The following GABRG3 variants were observed in gnomAD, a reference collection of about 807,000 sequenced individuals.
GABRG3 encodes the protein gamma-aminobutyric acid type A receptor subunit gamma3.
GABRG3 carries 25 observed loss-of-function variants against 48.8 expected under a neutral mutation model. That is an observed-to-expected ratio of 0.51 (90% confidence interval 0.37 to 0.72). GABRG3 has a LOEUF of 0.72. Among genes scored for constraint, GABRG3 ranks in the 30% least tolerant of loss-of-function variants. The probability of loss-of-function intolerance (pLI) is 0.00; values close to 1 mark genes in which losing one functional copy is unlikely to be tolerated. For synonymous variants in GABRG3, 227 were observed against 217.6 expected (o/e 1.04, Z -0.38); for missense variants, 394 against 577.9 (o/e 0.68, Z 3.26).
intron 3 of GABRG3, among the ~76,000 whole-genome samples, chr15:27,140,257 T>A (rs1898079889): frequency 6.6e-6 from 1 of 152,164 alleles, no homozygotes; most frequent in South Asian, 2.1e-4. Context: ...TCTTGGAGAC[T>A]GAGCCCTCAA....
At chr15:27,321,346 A>G (rs1893419577) in intron 3 of GABRG3, among the ~76,000 whole-genome samples, 1 of 152,354 alleles carries the variant, frequency 6.6e-6, no homozygotes, top group Non-Finnish European at 1.5e-5. Context: ...CCAGGCGGCC[A>G]GACCTTGGGA....
intron 3 of GABRG3, among the ~76,000 whole-genome samples, chr15:27,308,599 CAT>C (rs554656482): frequency 5.3e-4 from 75 of 142,140 alleles, no homozygotes; most frequent in African/African-American, 1.5e-3. Flanking sequence ...TATATATAAA[CAT>C]AATGTAAACA....
chr15:27,350,138 G>A (rs1264619965), intron 5 of GABRG3: 2 of 455,686 alleles, frequency 4.4e-6, no homozygotes, highest in Non-Finnish European at 8.8e-6. Flanking sequence ...CACCATCTTG[G>A]CCTTCAGATT....
chr15:27,097,467 C>A (rs571653158), intron 3 of GABRG3, among the ~76,000 whole-genome samples: 1 of 151,968 alleles, frequency 6.6e-6, no homozygotes, highest in Non-Finnish European at 1.5e-5. Context: ...CTCTCCTTCC[C>A]TCCTTCCCTC....
chr15:27,276,612 G>A (rs143112750), intron 3 of GABRG3, among the ~76,000 whole-genome samples: 45 of 152,190 alleles, frequency 3.0e-4, no homozygotes, highest in Middle Eastern at 3.4e-3. Context: ...TAAGAGAGTT[G>A]GGAATGGGAA....
chr15:27,307,979 TATAAA>T (rs1372613676), intron 3 of GABRG3, among the ~76,000 whole-genome samples: 1 of 137,522 alleles, frequency 7.3e-6, no homozygotes, highest in East Asian at 2.2e-4. Context: ...TATAAACATA[TATAAA>T]ATAAACATAT....
chr15:27,498,306 C>T (rs1890535584), intron 6 of GABRG3, among the ~76,000 whole-genome samples: 2 of 152,176 alleles, frequency 1.3e-5, no homozygotes, highest in East Asian at 1.9e-4. Context: ...TCTGGCTTCT[C>T]GGGAGAAGGC....
rs1348776881 is a variant in GABRG3, at chr15:27,179,550, T to G, written c.271-147259T>G. ...TTCCCCATTGGTAGAGTATGAAAAC[T>G]TTAAGCAAGAACTACCCAAGTGAGC... On this transcript the variant is annotated intron_variant, in intron 3 of 9. Coordinates refer to ENST00000615808, the MANE Select transcript of GABRG3 (RefSeq NM_033223.5). This position sits in a 1 kb window ranked among gnomAD's most constrained non-coding sequence, Gnocchi z 4.0. Among the ~76,000 whole-genome samples, 1 of 152,182 alleles carries G rather than the reference T, an allele frequency of 6.6e-6. No homozygotes were observed. The highest frequency in any genetic ancestry group is 1.5e-5 in the Non-Finnish European group (1 of 68,024).
chr15:27,501,919 C>T (rs1890650472), intron 6 of GABRG3, among the ~76,000 whole-genome samples: 1 of 152,122 alleles, frequency 6.6e-6, no homozygotes, highest in African/African-American at 2.4e-5. Flanking sequence ...ACAGCACTTG[C>T]TTCCTTCCCC....
chr15:27,532,878 C>G lies in GABRG3; in HGVS notation c.1401C>G (p.Leu467=). 1 of 1,613,388 alleles carries G rather than the reference C, an allele frequency of 6.2e-7. No individual in the cohort carries two copies. Among genetic ancestry groups the G allele is most frequent in the Non-Finnish European group, 8.5e-7 (1 of 1,179,636 alleles). The change falls in exon 10 of 10, where the codon CTC becomes CTG. Residue 467 remains leucine, a synonymous_variant. Transcript: ENST00000615808. The stretch of plus-strand genomic sequence containing the variant: ...TCTACTGGGTTGGATACCTGTATCT[C>G]TAAGTGTTGCTCAGAGTGAAGAGTG... ...NLVYWVGYLY[L] is the part of the protein sequence containing the mutation.
chr15:27,351,160 T>C (rs370937959), intron 5 of GABRG3, among the ~76,000 whole-genome samples: 2,641 of 147,274 alleles, frequency 0.018, 88 homozygotes, highest in African/African-American at 0.063. Flanking sequence ...GTATGGTGCA[T>C]GTGCGTATGG....
chr15:27,286,571 A>G (rs568612608), intron 3 of GABRG3, among the ~76,000 whole-genome samples: 1 of 149,238 alleles, frequency 6.7e-6, no homozygotes, highest in Non-Finnish European at 1.5e-5. Flanking sequence ...TCTTCCCAAT[A>G]ATTAGAGAAA....
chr15:27,531,677 T>C (rs1004836688), intron 9 of GABRG3, among the ~76,000 whole-genome samples: 2 of 152,226 alleles, frequency 1.3e-5, no homozygotes, highest in Non-Finnish European at 2.9e-5. Context: ...TTCAGTCCAA[T>C]TTAGAAACGT....
At chr15:27,312,847 A>G (rs774681821) in intron 3 of GABRG3, among the ~76,000 whole-genome samples, 1 of 152,116 alleles carries the variant, frequency 6.6e-6, no homozygotes, top group South Asian at 2.1e-4. Flanking sequence ...TCTCATTAGT[A>G]TAAGTAAATA....
At chr15:27,004,599 C>T (rs1895546362) in intron 2 of GABRG3, among the ~76,000 whole-genome samples, 1 of 152,206 alleles carries the variant, frequency 6.6e-6, no homozygotes, top group Non-Finnish European at 1.5e-5. Flanking sequence ...AGGCAGGCGG[C>T]TGGGAGGTGG....
intron 3 of GABRG3, among the ~76,000 whole-genome samples, chr15:27,054,308 G>T (rs982393307): frequency 6.6e-6 from 1 of 152,042 alleles, no homozygotes; most frequent in African/African-American, 2.4e-5. Context: ...CTGCCTGTTG[G>T]GTTCTGTGCT....
chr15:27,256,432 C>T (rs1439836198), intron 3 of GABRG3, among the ~76,000 whole-genome samples: 2 of 142,774 alleles, frequency 1.4e-5, no homozygotes, highest in Admixed American at 7.2e-5. Flanking sequence ...CAGAGCAAGA[C>T]TCCGTCTCAA....
chr15:27,251,147 C>T (rs1295903600), intron 3 of GABRG3, among the ~76,000 whole-genome samples: 1 of 152,176 alleles, frequency 6.6e-6, no homozygotes, highest in Admixed American at 6.5e-5. Flanking sequence ...TCTGATTCTG[C>T]TTGGCTGTTT....
chr15:27,308,132 A>G (rs1330501451), intron 3 of GABRG3, among the ~76,000 whole-genome samples: 2 of 86,622 alleles, frequency 2.3e-5, no homozygotes, highest in Non-Finnish European at 4.6e-5. Flanking sequence ...ATATATAAAC[A>G]TATATGTTTA....
Sources: allele counts gnomAD v4.1 joint callset (sites outside exome capture counted in the v4.1 genomes callset), GRCh38; gene constraint gnomAD v4.1.1; non-coding constraint Gnocchi (gnomAD v3.1); transcripts MANE v1.5; gene names NCBI Gene and HGNC (gene_info 2026-07-23, HGNC 2026-07-21).